Variants in PTN observed in about 807,000 individuals in gnomAD.
PTN encodes the protein pleiotrophin.
A neutral mutation model predicts 24.1 loss-of-function variants in PTN; 18 were observed. The ratio of observed to expected loss-of-function variants is 0.75; its 90% CI spans 0.52 to 1.11. PTN has a LOEUF of 1.11. PTN is among the 50% of genes least tolerant of loss of function. The pLI is 0.00. For synonymous variants in PTN, 78 were observed against 68.6 expected (o/e 1.14, Z -0.67); for missense variants, 163 against 198.8 (o/e 0.82, Z 1.08).
chr7:137,329,630 T>G (rs1448757636), intron 1 of PTN, among the ~76,000 whole-genome samples: 3 of 152,154 alleles, frequency 2.0e-5, no homozygotes, highest in African/African-American at 4.8e-5. Context: ...AATTTTGCAC[T>G]AGGGCAGCCA....
rs1562977086 is a variant in PTN, at chr7:137,343,420, G to A, written c.-2+19C>T. The A allele has an allele frequency of 7.9e-6, 4 of 505,026 alleles. No homozygotes were observed. The highest frequency in any genetic ancestry group is 5.6e-5 in the East Asian group (1 of 17,900). The allele number at this position is 505,026 out of a possible 1,614,324, so 31.3% of individuals were successfully genotyped here. On this transcript the variant is annotated intron_variant, in intron 1 of 4. Transcript: ENST00000348225. ...CGATCGAAGAGCCCTCCGAGAAATC[G>A]TACGTTCCTCTCACTTACTTTGAGT...
chr7:137,327,366 T>C (rs1810280310), intron 1 of PTN, among the ~76,000 whole-genome samples: 1 of 152,140 alleles, frequency 6.6e-6, no homozygotes, highest in South Asian at 2.1e-4. Flanking sequence ...TAACCGTTGC[T>C]TCCACTCTTG....
chr7:137,236,491 C>T (rs191342636), intron 4 of PTN, among the ~76,000 whole-genome samples: 3 of 152,216 alleles, frequency 2.0e-5, no homozygotes, highest in Admixed American at 6.5e-5. Flanking sequence ...TACACATACA[C>T]AGACAGAGAG....
chr7:137,274,145 G>C (rs1189660090), intron 1 of PTN, among the ~76,000 whole-genome samples: 4 of 152,040 alleles, frequency 2.6e-5, no homozygotes, highest in African/African-American at 9.7e-5. Flanking sequence ...GTTGCAGCAA[G>C]GCATTAAGAG....
chr7:137,238,814 T>C (rs1808569392), intron 4 of PTN, among the ~76,000 whole-genome samples: 2 of 152,136 alleles, frequency 1.3e-5, no homozygotes, highest in Non-Finnish European at 2.9e-5. Context: ...GCCTGTCATA[T>C]CATAAATACT....
intron 1 of PTN, among the ~76,000 whole-genome samples, chr7:137,325,230 T>C (rs1275831061): frequency 6.6e-6 from 1 of 152,230 alleles, no homozygotes; most frequent in Non-Finnish European, 1.5e-5. Flanking sequence ...ATTTCCTGTC[T>C]CTTCTGGCTG....
rs1202496053 is a variant in PTN, at chr7:137,252,868, A to G, written c.289+596T>C. ...TAAGACTGACTCCAGTCAGTGGGAGAAAGATTTATGAAACGTGGCTGTGAG... is the reference window on the plus strand; with the variant it reads ...TAAGACTGACTCCAGTCAGTGGGAGGAAGATTTATGAAACGTGGCTGTGAG... On this transcript the variant is annotated intron_variant, in intron 3 of 4. Transcript: ENST00000348225. Among the ~76,000 whole-genome samples the G allele has an allele frequency of 3.4e-5, 5 of 149,058 alleles. No homozygotes were observed. The East Asian group carries it at 7.7e-4, about 23-fold the overall frequency.
chr7:137,247,441 CACTT>C (rs1808743576), intron 4 of PTN, among the ~76,000 whole-genome samples: 1 of 152,234 alleles, frequency 6.6e-6, no homozygotes, highest in African/African-American at 2.4e-5. Context: ...TGCGTGTACT[CACTT>C]ATTTGTGGGA....
chr7:137,292,806 T>C (rs1476634627), intron 1 of PTN, among the ~76,000 whole-genome samples: 2 of 152,124 alleles, frequency 1.3e-5, no homozygotes, highest in African/African-American at 2.4e-5. Context: ...AATCCACACA[T>C]GTGGGACGCA....
chr7:137,237,985 G>C (rs77817552), intron 4 of PTN, among the ~76,000 whole-genome samples: 1 of 152,190 alleles, frequency 6.6e-6, no homozygotes, highest in African/African-American at 2.4e-5. Context: ...CCGCCTGCAT[G>C]CATGAACACT....
chr7:137,287,271 C>A (rs988744844), intron 1 of PTN, among the ~76,000 whole-genome samples: 1 of 152,156 alleles, frequency 6.6e-6, no homozygotes, highest in Non-Finnish European at 1.5e-5. Flanking sequence ...TTGCTGTCAC[C>A]TCTACTTATA....
chr7:137,323,125 C>A (rs1810192119), intron 1 of PTN, among the ~76,000 whole-genome samples: 1 of 152,104 alleles, frequency 6.6e-6, no homozygotes, highest in South Asian at 2.1e-4. Flanking sequence ...CTTTGGATTA[C>A]CAATTTTTGA....
rs150995607 is a variant in PTN at position 137,251,457 on chromosome 7, G to A, written c.290-66C>T. 2.8e-4 allele frequency: 420 copies of A among 1,526,582 alleles called. 2 individuals are homozygous for A. In the East Asian group the frequency reaches 8.7e-3, roughly 32 times the overall value. The allele number at this position is 1,526,582 out of a possible 1,614,324, so 94.6% of individuals were successfully genotyped here. On this transcript the variant is annotated intron_variant, in intron 3 of 4. Transcript: ENST00000348225. ...CCTATCGTACTTCCAGGATAATAAA[G>A]GCACACTTTTGTTTGTAACTTTTTT...
chr7:137,320,633 A>AT lies in PTN; in HGVS notation c.-2+22805dup, dbSNP rs199549710. Among the ~76,000 whole-genome samples the AT allele has an allele frequency of 8.9e-3, 1,348 of 152,012 alleles. 16 individuals are homozygous for AT. Among genetic ancestry groups the AT allele is most frequent in the African/African-American group, 0.031 (1,284 of 41,456 alleles). On this transcript the variant is annotated intron_variant, in intron 1 of 4. Coordinates refer to ENST00000348225, the MANE Select transcript of PTN (RefSeq NM_002825.7). ...GAAAGAGGATTAAAGCAAAATTTTG[A>AT]TTTTTTTTTAAAAAAGGATTCCAAA...
chr7:137,278,164 G>A (rs1443976659), intron 1 of PTN, among the ~76,000 whole-genome samples: 10 of 150,558 alleles, frequency 6.6e-5, no homozygotes, highest in South Asian at 6.4e-4. Context: ...AAAATTAGCC[G>A]GGCGTGGTAG....
chr7:137,306,976 T>C (rs968517170), intron 1 of PTN, among the ~76,000 whole-genome samples: 4 of 152,040 alleles, frequency 2.6e-5, no homozygotes, highest in Non-Finnish European at 5.9e-5. Context: ...GCATTCCTCA[T>C]ATGAAAATAA....
At chr7:137,276,666 G>C (rs1191113313) in intron 1 of PTN, among the ~76,000 whole-genome samples, 1 of 152,188 alleles carries the variant, frequency 6.6e-6, no homozygotes, top group Non-Finnish European at 1.5e-5. Flanking sequence ...TCACTTGTGT[G>C]AGTGTTTTGT....
At chr7:137,314,090 C>T (rs1166768518) in intron 1 of PTN, among the ~76,000 whole-genome samples, 7 of 151,876 alleles carry the variant, frequency 4.6e-5, no homozygotes, top group South Asian at 2.1e-4. Flanking sequence ...GAGTGATGAG[C>T]GGGACTAGAA....
intron 4 of PTN, among the ~76,000 whole-genome samples, chr7:137,246,353 A>T (rs1176235894): frequency 2.6e-5 from 4 of 152,126 alleles, no homozygotes; most frequent in Non-Finnish European, 4.4e-5. Context: ...GGGGCACAGT[A>T]GGCTACACAT....
Sources: allele counts gnomAD v4.1 joint callset (sites outside exome capture counted in the v4.1 genomes callset), GRCh38; gene constraint gnomAD v4.1.1; transcripts MANE v1.5; gene names NCBI Gene and HGNC (gene_info 2026-07-23, HGNC 2026-07-21).